Variants in SORCS1 observed in about 807,000 individuals in gnomAD.
SORCS1 encodes VPS10 domain-containing receptor SorCS1.
SORCS1 carries 60 observed loss-of-function variants against 146.1 expected under a neutral mutation model. That is an observed-to-expected ratio of 0.41 (90% CI 0.33 to 0.51). The LOEUF (loss-of-function observed/expected upper bound fraction) is 0.51. SORCS1 is among the 20% of genes least tolerant of loss of function. SORCS1 has a pLI of 0.21. For synonymous variants in SORCS1, 637 were observed against 584.0 expected, an observed-to-expected ratio of 1.09 and a Z score of -1.31; for missense variants, 1,352 against 1,487.6, an observed-to-expected ratio of 0.91 and a Z score of 1.50.
In SORCS1 at chr10:106,809,888, T is replaced by C. The variant is rs570232075; in HGVS notation, c.726+19686A>G. On this transcript the variant is annotated intron_variant, in intron 3 of 25. Transcript: ENST00000263054. ...GGCACTACAATTATGGAATAGAACA[T>C]GTCCATGATTAATAGCATCTTTTTG... 9.2e-5 allele frequency among the ~76,000 whole-genome samples: 14 copies of C among 152,324 alleles called. No homozygotes were observed. The South Asian group carries it at 2.9e-3, about 32-fold the overall frequency.
chr10:106,909,116 G>A (rs899309987), intron 2 of SORCS1, among the ~76,000 whole-genome samples: 10 of 152,244 alleles, frequency 6.6e-5, no homozygotes, highest in African/African-American at 2.4e-4. Context: ...CTCCTTCACT[G>A]GGTGTGGTAT....
At chr10:106,854,043 A>T (rs190528291) in intron 2 of SORCS1, among the ~76,000 whole-genome samples, 1 of 151,908 alleles carries the variant, frequency 6.6e-6, no homozygotes, top group Admixed American at 6.6e-5. Flanking sequence ...TTTTTGAAAG[A>T]CGATGTTAAG....
intron 3 of SORCS1, among the ~76,000 whole-genome samples, chr10:106,783,490 T>C (rs1357938407): frequency 6.6e-6 from 1 of 152,056 alleles, no homozygotes; most frequent in African/African-American, 2.4e-5. Context: ...TAAAATATGA[T>C]AGTTGAATTC....
At chr10:106,767,732 C>T (rs756705294) in intron 4 of SORCS1, among the ~76,000 whole-genome samples, 5 of 151,854 alleles carry the variant, frequency 3.3e-5, no homozygotes, top group Non-Finnish European at 7.4e-5. Flanking sequence ...CTCAAGAGAT[C>T]TGCCTGCCTT....
rs373605537 is a variant in SORCS1 at position 107,159,663 on chromosome 10, T to G, written c.558+4306A>C. On this transcript the variant is annotated intron_variant, in intron 1 of 25. Coordinates refer to ENST00000263054, the MANE Select transcript of SORCS1 (RefSeq NM_052918.5). ...GACTTACTCAAGGCAACGTGCTGAT[T>G]TAGCAGGACAACTAAGATTCAAACT... Among the ~76,000 whole-genome samples, 17 of 152,324 alleles carry G rather than the reference T, an allele frequency of 1.1e-4. No homozygotes were observed. The South Asian group carries it at 3.5e-3, about 32-fold the overall frequency.
chr10:106,660,156 C>G (rs1400746711), intron 17 of SORCS1, among the ~76,000 whole-genome samples: 5 of 152,068 alleles, frequency 3.3e-5, no homozygotes, highest in Admixed American at 6.6e-5. Context: ...AACAGAATCA[C>G]CTGGAAAAGA....
intron 1 of SORCS1, among the ~76,000 whole-genome samples, chr10:107,134,280 G>C (rs1047361423): frequency 6.6e-6 from 1 of 152,082 alleles, no homozygotes; most frequent in Non-Finnish European, 1.5e-5. Flanking sequence ...TAAACTTTAC[G>C]CTTTTAACTC....
At position 106,829,771 on chromosome 10, in the gene SORCS1, A is replaced by C. The variant is rs917709822; in HGVS notation, c.627-98T>G. The stretch of plus-strand genomic sequence containing the variant: ...TTTACACAGTAGAATGGCTCTCAGG[A>C]GGTTTCTCAATGATTCATGTAGTAT... On this transcript the variant is annotated intron_variant, in intron 2 of 25. Coordinates refer to ENST00000263054, the MANE Select transcript of SORCS1 (RefSeq NM_052918.5). 5 of 786,756 alleles carry C rather than the reference A, an allele frequency of 6.4e-6. No individual in the cohort carries two copies. The African/African-American group carries it at 8.4e-5, about 13-fold the overall frequency. 48.7% of individuals were successfully genotyped at this position (786,756 alleles called of 1,614,324 possible).
chr10:107,099,192 G>T (rs1964747195), intron 1 of SORCS1, among the ~76,000 whole-genome samples: 1 of 152,210 alleles, frequency 6.6e-6, no homozygotes, highest in Admixed American at 6.5e-5. Context: ...GCAGATAAAA[G>T]TTTTTCAGGG....
intron 1 of SORCS1, among the ~76,000 whole-genome samples, chr10:106,982,127 G>GTCT: frequency 6.6e-6 from 1 of 152,256 alleles, no homozygotes; most frequent in East Asian, 1.9e-4. Flanking sequence ...TTGGAACGTA[G>GTCT]TCTTCGATTA....
At chr10:106,809,214 A>C (rs1459022316) in intron 3 of SORCS1, among the ~76,000 whole-genome samples, 1 of 151,772 alleles carries the variant, frequency 6.6e-6, no homozygotes, top group African/African-American at 2.4e-5. Context: ...ATACAATAAA[A>C]ATAAATAAAT....
chr10:106,868,368 C>T (rs1950294982), intron 2 of SORCS1, among the ~76,000 whole-genome samples: 1 of 152,172 alleles, frequency 6.6e-6, no homozygotes, highest in Admixed American at 6.5e-5. Context: ...CTACAGAACT[C>T]TCCACCCAAA....
In SORCS1 at chr10:106,616,054, T is replaced by C. The variant is rs566029733; in HGVS notation, c.2920+2095A>G. ...CAGTGGCTAGCAAAGTCTTCATCAA[T>C]GTCAATTACTATCACCACCACCATC... On this transcript the variant is annotated intron_variant, in intron 21 of 25. Coordinates refer to ENST00000263054, the MANE Select transcript of SORCS1 (RefSeq NM_052918.5). Among the ~76,000 whole-genome samples the C allele has an allele frequency of 2.4e-4, 36 of 152,332 alleles. No individual in the cohort carries two copies. In the South Asian group the frequency reaches 3.7e-3, roughly 16 times the overall value.
rs113651945 is a variant in SORCS1 at position 106,652,332 on chromosome 10, G to C, written c.2475+50C>G. On this transcript the variant is annotated intron_variant, in intron 18 of 25. Coordinates refer to ENST00000263054, the MANE Select transcript of SORCS1 (RefSeq NM_052918.5). ...TGGAAACAAAACCATGGTTTATTAA[G>C]AAAAATCACTGGCCCTAGAAAGTAG... is the stretch of plus-strand genomic sequence containing the variant. The C allele has an allele frequency of 1.2e-3, 1,773 of 1,473,254 alleles. 25 individuals carry two copies. In the African/African-American group the frequency reaches 0.021, roughly 18 times the overall value. The allele number at this position is 1,473,254 out of a possible 1,614,324, so 91.3% of individuals were successfully genotyped here. A position where few individuals can be genotyped will look rare whatever the true frequency, so the allele number is the denominator to read the frequency against.
chr10:106,845,804 T>C (rs531471519), intron 2 of SORCS1, among the ~76,000 whole-genome samples: 69 of 66,112 alleles, frequency 1.0e-3, no homozygotes, highest in Non-Finnish European at 2.3e-3. Flanking sequence ...TACATATGGC[T>C]AGCCAGTTTT....
intron 1 of SORCS1, among the ~76,000 whole-genome samples, chr10:107,145,431 C>T (rs879385836): frequency 3.3e-5 from 5 of 152,136 alleles, no homozygotes; most frequent in Non-Finnish European, 7.4e-5. Context: ...ATTTATTATC[C>T]TGGTTTTCTT....
At chr10:106,744,488 C>A (rs774245111) in intron 5 of SORCS1, among the ~76,000 whole-genome samples, 13 of 152,124 alleles carry the variant, frequency 8.5e-5, no homozygotes, top group Non-Finnish European at 1.2e-4. Context: ...TCTAGTTTTT[C>A]AATAGGAACA....
At chr10:107,011,859 G>A (rs1293677522) in intron 1 of SORCS1, among the ~76,000 whole-genome samples, 1 of 152,006 alleles carries the variant, frequency 6.6e-6, no homozygotes, top group African/African-American at 2.4e-5. Flanking sequence ...GGAATATTCT[G>A]GGTTATAAAA....
At chr10:107,008,308 T>G (rs532889117) in intron 1 of SORCS1, among the ~76,000 whole-genome samples, 1 of 152,232 alleles carries the variant, frequency 6.6e-6, no homozygotes, top group African/African-American at 2.4e-5. Flanking sequence ...AGTACAATTA[T>G]GCAAAGCAGT....
Sources: allele counts gnomAD v4.1 joint callset (sites outside exome capture counted in the v4.1 genomes callset), GRCh38; gene constraint gnomAD v4.1.1; transcripts MANE v1.5; gene names NCBI Gene and HGNC (gene_info 2026-07-23, HGNC 2026-07-21).